The following EEPD1 variants were observed in gnomAD, a reference collection of about 807,000 sequenced individuals.
The protein encoded by EEPD1 is endonuclease/exonuclease/phosphatase family domain-containing protein 1.
Under a neutral mutation model 46.3 loss-of-function variants are expected in EEPD1, and 17 were observed. The ratio of observed to expected loss-of-function variants is 0.37; its 90% confidence interval spans 0.25 to 0.55. The LOEUF is 0.55. Ranked by LOEUF, EEPD1 falls within the 20% of genes least tolerant of loss-of-function variation. EEPD1 has a pLI of 0.83. For synonymous variants in EEPD1, 313 were observed against 315.6 expected, an observed-to-expected ratio of 0.99 and a Z score of 0.09; for missense variants, 673 against 745.6, an observed-to-expected ratio of 0.90 and a Z score of 1.13.
intron 2 of EEPD1, among the ~76,000 whole-genome samples, chr7:36,205,765 C>T (rs1179298351): frequency 2.0e-5 from 3 of 152,188 alleles, no homozygotes. Flanking sequence ...GAGTAGCAAG[C>T]ATAAACCAGG....
At position 36,300,737 on chromosome 7, in the gene EEPD1, C is replaced by G. The variant is rs1460043659; in HGVS notation, c.*1531C>G. The G allele has an allele frequency of 6.6e-6, 1 of 152,240 alleles. No homozygotes were observed. Among genetic ancestry groups the G allele is most frequent in the East Asian group, 1.9e-4 (1 of 5,178 alleles). 9.4% of individuals were successfully genotyped at this position (152,240 alleles called of 1,614,324 possible). A position where few individuals can be genotyped will look rare whatever the true frequency, so the allele number is the denominator to read the frequency against. ...AGGCCATCCTTTTGGGGCCACCTGG[C>G]TCCAAGAAGCATCGCTGGTCTTGGG... is the stretch of plus-strand genomic sequence containing the variant. On this transcript the variant is annotated 3_prime_UTR_variant, in exon 8 of 8. Coordinates refer to ENST00000242108, the MANE Select transcript of EEPD1 (RefSeq NM_030636.3).
At chr7:36,159,722 G>A (rs1294653861) in intron 2 of EEPD1, among the ~76,000 whole-genome samples, 1 of 152,194 alleles carries the variant, frequency 6.6e-6, no homozygotes, top group Non-Finnish European at 1.5e-5. Flanking sequence ...ATTGTGTCAG[G>A]CCTCTGGGGG....
At chr7:36,279,334 G>A (rs967454523) in intron 3 of EEPD1, among the ~76,000 whole-genome samples, 1 of 152,144 alleles carries the variant, frequency 6.6e-6, no homozygotes, top group Admixed American at 6.5e-5. Flanking sequence ...TGTAAAAGCA[G>A]CGTCACTCCT....
chr7:36,250,007 C>G (rs201815567), intron 3 of EEPD1, among the ~76,000 whole-genome samples: 1 of 152,102 alleles, frequency 6.6e-6, no homozygotes, highest in East Asian at 1.9e-4. Flanking sequence ...TCACTTGAGC[C>G]CAGGAGTTGG....
intron 6 of EEPD1, among the ~76,000 whole-genome samples, chr7:36,292,981 C>G (rs1429147388): frequency 2.2e-5 from 1 of 44,540 alleles, no homozygotes; most frequent in Non-Finnish European, 6.7e-5. Flanking sequence ...TTTGTTACAC[C>G]TAAAGTTAAA....
intron 2 of EEPD1, among the ~76,000 whole-genome samples, chr7:36,227,835 A>G (rs528411806): frequency 6.6e-6 from 1 of 152,270 alleles, no homozygotes; most frequent in Non-Finnish European, 1.5e-5. Context: ...TTACAGGCAC[A>G]TGCCACCATG....
At chr7:36,283,193 C>G (rs1787288076) in intron 4 of EEPD1, among the ~76,000 whole-genome samples, 1 of 152,204 alleles carries the variant, frequency 6.6e-6, no homozygotes, top group African/African-American at 2.4e-5. Context: ...TCTGGAAACC[C>G]TGTTCCTCCG....
intron 2 of EEPD1, among the ~76,000 whole-genome samples, chr7:36,171,515 A>G (rs868370936): frequency 6.6e-6 from 1 of 152,166 alleles, no homozygotes; most frequent in Non-Finnish European, 1.5e-5. Flanking sequence ...CATTGATTGA[A>G]TCTTGTTTTA....
intron 3 of EEPD1, among the ~76,000 whole-genome samples, chr7:36,241,795 G>C: frequency 6.6e-6 from 1 of 152,044 alleles, no homozygotes. Context: ...TTGAGTCTGG[G>C]AGGCAGAGGT....
intron 2 of EEPD1, among the ~76,000 whole-genome samples, chr7:36,167,796 A>G (rs1785011231): frequency 6.6e-6 from 1 of 152,016 alleles, no homozygotes; most frequent in Non-Finnish European, 1.5e-5. Flanking sequence ...GCTCAGTGCA[A>G]CCTGTGCCTC....
chr7:36,236,487 C>T (rs1763765276), intron 2 of EEPD1, among the ~76,000 whole-genome samples: 1 of 152,226 alleles, frequency 6.6e-6, no homozygotes, highest in Non-Finnish European at 1.5e-5. Context: ...TCTCGTTTCC[C>T]CTCTTTTCCT....
At chr7:36,248,545 CTG>C (rs1172923022) in intron 3 of EEPD1, among the ~76,000 whole-genome samples, 4 of 143,742 alleles carry the variant, frequency 2.8e-5, no homozygotes, top group South Asian at 2.2e-4. Flanking sequence ...CAAAAAAACA[CTG>C]TGTTATTTCA....
chr7:36,284,465 T>C (rs1017631283), intron 4 of EEPD1, among the ~76,000 whole-genome samples: 1 of 152,212 alleles, frequency 6.6e-6, no homozygotes, highest in East Asian at 1.9e-4. Context: ...CAGGCCACCC[T>C]GTCTGTATGG....
chr7:36,228,285 C>T lies in EEPD1; in HGVS notation c.879-10700C>T, dbSNP rs75726654. Among the ~76,000 whole-genome samples the T allele has an allele frequency of 6.9e-3, 1,046 of 152,184 alleles. 16 individuals carry two copies. Among genetic ancestry groups the T allele is most frequent in the African/African-American group, 0.024 (990 of 41,532 alleles). ...GGCTACCCGCCCTAATCCCGCACTT[C>T]GGGAGGTTGAGACAGGCAGATCACT... On this transcript the variant is annotated intron_variant, in intron 2 of 7. Coordinates refer to ENST00000242108, the MANE Select transcript of EEPD1 (RefSeq NM_030636.3).
At chr7:36,190,483 A>T (rs1355490374) in intron 2 of EEPD1, among the ~76,000 whole-genome samples, 14 of 152,238 alleles carry the variant, frequency 9.2e-5, no homozygotes, top group Non-Finnish European at 5.9e-5. Context: ...TGACATAATC[A>T]GACAAAAATC....
intron 2 of EEPD1, among the ~76,000 whole-genome samples, chr7:36,159,614 C>G (rs960061140): frequency 6.6e-6 from 1 of 152,234 alleles, no homozygotes; most frequent in Non-Finnish European, 1.5e-5. Context: ...TGCCCTTCTG[C>G]TGCCTCTGAC....
At chr7:36,170,511 C>T (rs1362466030) in intron 2 of EEPD1, among the ~76,000 whole-genome samples, 2 of 151,216 alleles carry the variant, frequency 1.3e-5, no homozygotes, top group Non-Finnish European at 2.9e-5. Context: ...CTTCATGGAA[C>T]CCTGTATCAG....
chr7:36,153,940 C>G (rs1784768318), intron 1 of EEPD1, among the ~76,000 whole-genome samples, 193 bp from the exon 2 acceptor site: 3 of 152,198 alleles, frequency 2.0e-5, no homozygotes, highest in Non-Finnish European at 1.5e-5. Context: ...TTTTTGGACT[C>G]CAGTGTGATA....
At chr7:36,216,819 A>G (rs1157015932) in intron 2 of EEPD1, among the ~76,000 whole-genome samples, 3 of 152,256 alleles carry the variant, frequency 2.0e-5, no homozygotes, top group African/African-American at 7.2e-5. Flanking sequence ...TTAAAATAAC[A>G]GACAACAGCA....
Sources: gnomAD v4.1 joint callset for allele counts (sites outside exome capture counted in the v4.1 genomes callset) on GRCh38, gnomAD v4.1.1 for gene constraint, MANE v1.5 for transcripts, NCBI Gene and HGNC (gene_info 2026-07-23, HGNC 2026-07-21) for gene names.